The following FAR1 variants were observed in gnomAD, a reference collection of about 807,000 sequenced individuals.
FAR1 encodes the protein fatty acyl-CoA reductase 1.
In FAR1, 22 loss-of-function variants were observed where a neutral mutation model predicts 61.1. The observed-to-expected ratio is 0.36, with a 90% CI of 0.26 to 0.51. The LOEUF (loss-of-function observed/expected upper bound fraction) is 0.51, where lower values mean the gene tolerates loss of function less well. Among genes scored for constraint, FAR1 ranks in the 20% least tolerant of loss-of-function variants. FAR1 has a pLI of 0.95. For synonymous variants in FAR1, 206 were observed against 209.7 expected, an observed-to-expected ratio of 0.98 and a Z score of 0.15; for missense variants, 359 against 626.9, an observed-to-expected ratio of 0.57 and a Z score of 4.56.
Position 13,668,807 on chromosome 11 carries a change from G to A in FAR1, c.-8+1G>A, listed in dbSNP as rs1446111831. 1 of 154,086 alleles carries A rather than the reference G, an allele frequency of 6.5e-6. No individual in the cohort carries two copies. The highest frequency in any genetic ancestry group is 2.4e-5 in the African/African-American group (1 of 41,462). The allele number at this position is 154,086 out of a possible 1,614,324, so 9.5% of individuals were successfully genotyped here. The stretch of plus-strand genomic sequence containing the variant: ...GCGAGGCCTGAGCCTCTGCGTCTAG[G>A]TGAGAAGGGGGTGCGCCAGCGGGAG... On this transcript the variant is annotated splice_donor_variant, in intron 1 of 11. Transcript: ENST00000354817. LOFTEE classifies it low-confidence loss of function (5UTR_SPLICE).
At chr11:13,690,429 T>A (rs143728668) in intron 1 of FAR1, among the ~76,000 whole-genome samples, 1 of 152,350 alleles carries the variant, frequency 6.6e-6, no homozygotes, top group East Asian at 1.9e-4. Flanking sequence ...TTTTATGTTC[T>A]GTTTAAGAAA....
intron 1 of FAR1, among the ~76,000 whole-genome samples, chr11:13,682,721 A>T (rs181631785): frequency 2.0e-4 from 31 of 151,986 alleles, no homozygotes; most frequent in African/African-American, 7.2e-4. Context: ...TGATCCTTCC[A>T]CCTCAGCCTC....
chr11:13,680,788 T>C (rs1390444423), intron 1 of FAR1, among the ~76,000 whole-genome samples: 1 of 152,012 alleles, frequency 6.6e-6, no homozygotes, highest in African/African-American at 2.4e-5. Context: ...CCTCCAACAT[T>C]GGGAATCAGA....
intron 10 of FAR1, among the ~76,000 whole-genome samples, chr11:13,724,549 CAAAAA>C (rs35925620): frequency 6.8e-5 from 7 of 103,394 alleles, no homozygotes; most frequent in East Asian, 5.6e-4. Context: ...GACTCCGCCT[CAAAAA>C]AAAAAAAAAA....
chr11:13,711,010 ATAGAGT>A, intron 5 of FAR1, 140 bp downstream of exon 5: 1 of 676,866 alleles, frequency 1.5e-6, no homozygotes, highest in Non-Finnish European at 2.4e-6. Flanking sequence ...TTTTGTGTTC[ATAGAGT>A]TAATTTTATT....
intron 1 of FAR1, among the ~76,000 whole-genome samples, chr11:13,694,439 A>G (rs1848287313): frequency 6.6e-6 from 1 of 152,214 alleles, no homozygotes; most frequent in South Asian, 2.1e-4. Flanking sequence ...GGTTGAATGA[A>G]GATTTGAGTT....
chr11:13,712,897 A>G (rs1591268535), intron 7 of FAR1, 69 bp from the exon 8 acceptor site: 4 of 1,233,494 alleles, frequency 3.2e-6, no homozygotes, highest in Middle Eastern at 1.9e-4. Context: ...CTTGAATACT[A>G]TGTAGGACTT....
chr11:13,723,321 C>T (rs1591272737), intron 10 of FAR1: 3 of 369,884 alleles, frequency 8.1e-6, no homozygotes, highest in East Asian at 8.1e-5. Context: ...GATGTGATCA[C>T]GTCATTGCAC....
chr11:13,731,989 C>A lies in FAR1; in HGVS notation c.*3215C>A, dbSNP rs1011451406. On this transcript the variant is annotated 3_prime_UTR_variant, in exon 12 of 12. Coordinates refer to ENST00000354817, the MANE Select transcript of FAR1 (RefSeq NM_032228.6). ...TGAGCATGCTCTTCTAGGCTGACTC[C>A]CAGCCCTGACTTGAAACCATTAGCG... is the stretch of plus-strand genomic sequence containing the variant. The A allele has an allele frequency of 6.6e-6, 1 of 152,068 alleles. No homozygotes were observed. The highest frequency in any genetic ancestry group is 1.5e-5 in the Non-Finnish European group (1 of 68,010). The allele number at this position is 152,068 out of a possible 1,614,324, so 9.4% of individuals were successfully genotyped here. A position where few individuals can be genotyped will look rare whatever the true frequency, so the allele number is the denominator to read the frequency against.
chr11:13,731,919 G>C lies in FAR1; in HGVS notation c.*3145G>C, dbSNP rs1436417504. 6.6e-6 allele frequency: 1 copy of C among 152,110 alleles called. No individual in the cohort carries two copies. The highest frequency in any genetic ancestry group is 1.5e-5 in the Non-Finnish European group (1 of 68,024). 9.4% of individuals were successfully genotyped at this position (152,110 alleles called of 1,614,324 possible). A position where few individuals can be genotyped will look rare whatever the true frequency, so the allele number is the denominator to read the frequency against. ...AGGAATTAACTGACCCCTTTTGGATGGGGGAGAGCATCAGGCTGGGGTCAG... is the reference window on the plus strand; with the variant it reads ...AGGAATTAACTGACCCCTTTTGGATCGGGGAGAGCATCAGGCTGGGGTCAG... On this transcript the variant is annotated 3_prime_UTR_variant, in exon 12 of 12. Coordinates refer to ENST00000354817, the MANE Select transcript of FAR1 (RefSeq NM_032228.6).
In FAR1 at chr11:13,668,681, C is replaced by A. The variant is rs552968829; in HGVS notation, c.-133C>A. On this transcript the variant is annotated 5_prime_UTR_variant, in exon 1 of 12. Transcript: ENST00000354817. ...GCCAATGGGCGTGCCACTGCCCGTC[C>A]GCTCTTCAGCAGCCGGTCGCGGGCG... 1.3e-5 allele frequency: 2 copies of A among 153,176 alleles called. No homozygotes were observed. Among genetic ancestry groups the A allele is most frequent in the Non-Finnish European group, 1.5e-5 (1 of 68,294 alleles). 9.5% of individuals were successfully genotyped at this position (153,176 alleles called of 1,614,324 possible).
At chr11:13,673,372 T>G (rs562013660) in intron 1 of FAR1, among the ~76,000 whole-genome samples, 1 of 152,350 alleles carries the variant, frequency 6.6e-6, no homozygotes, top group Non-Finnish European at 1.5e-5. Flanking sequence ...CATTTGATTC[T>G]CATATAATTC....
chr11:13,694,716 G>A (rs369516382), intron 1 of FAR1, 43 bp from the exon 2 acceptor site: 7 of 1,468,516 alleles, frequency 4.8e-6, no homozygotes, highest in African/African-American at 1.4e-5. Flanking sequence ...AAAGAATGAT[G>A]GTGAATCCTT....
chr11:13,713,112 C>A, intron 8 of FAR1, 79 bp downstream of exon 8: 1 of 1,270,296 alleles, frequency 7.9e-7, no homozygotes, highest in Non-Finnish European at 1.2e-6. Flanking sequence ...TGTTAGAATA[C>A]CTATGAGGCA....
intron 2 of FAR1, among the ~76,000 whole-genome samples, chr11:13,695,759 A>G (rs1295374558): frequency 2.6e-5 from 4 of 152,164 alleles, no homozygotes; most frequent in Non-Finnish European, 5.9e-5. Flanking sequence ...ATAGCAACCA[A>G]CCAGACTTTT....
intron 8 of FAR1, among the ~76,000 whole-genome samples, chr11:13,714,065 T>G (rs1269090928): frequency 6.6e-6 from 1 of 152,176 alleles, no homozygotes; most frequent in African/African-American, 2.4e-5. Context: ...AAGTTAATTT[T>G]GGGTTGTTTT....
chr11:13,682,794 T>C (rs1848142564), intron 1 of FAR1, among the ~76,000 whole-genome samples: 1 of 151,866 alleles, frequency 6.6e-6, no homozygotes, highest in African/African-American at 2.4e-5. Context: ...TTTTTTTTTT[T>C]CAAGGTGGGG....
At position 13,706,099 on chromosome 11, in the gene FAR1, CATT is replaced by C. The variant is rs1848429408; in HGVS notation, c.366-1797_366-1795del. Reference sequence around the variant, plus strand: ...CTTTTTTTAAAAAATTTCCTTTGAACATTATTTTTCATTATTATAAACATAGAC... The same window carrying C: ...CTTTTTTTAAAAAATTTCCTTTGAACATTTTTCATTATTATAAACATAGAC... On this transcript the variant is annotated intron_variant, in intron 3 of 11. Transcript: ENST00000354817. 2.0e-5 allele frequency among the ~76,000 whole-genome samples: 3 copies of C among 152,088 alleles called. No homozygotes were observed. The South Asian group carries it at 6.2e-4, about 32-fold the overall frequency.
chr11:13,721,881 T>C lies in FAR1; in HGVS notation c.1257+22T>C, dbSNP rs1433758466. The C allele has an allele frequency of 6.4e-7, 1 of 1,572,130 alleles. No homozygotes were observed. Among genetic ancestry groups the C allele is most frequent in the African/African-American group, 1.4e-5 (1 of 72,904 alleles). On this transcript the variant is annotated intron_variant, in intron 10 of 11. Transcript: ENST00000354817. The surrounding 1 kb of genome is among the most constrained non-coding windows in gnomAD (Gnocchi z 4.2). ...AAAGGCAAGCAAGTATTTTCTGTTT[T>C]ATATTAGAAAATAAGTAGCATACTA...
Sources: gnomAD v4.1 joint callset for allele counts (sites outside exome capture counted in the v4.1 genomes callset) on GRCh38, gnomAD v4.1.1 for gene constraint, Gnocchi (gnomAD v3.1) non-coding constraint, MANE v1.5 for transcripts, NCBI Gene and HGNC (gene_info 2026-07-23, HGNC 2026-07-21) for gene names.